The following GPC5 variants were observed in gnomAD, a reference collection of about 807,000 sequenced individuals.
GPC5 encodes the protein glypican-5.
Under a neutral mutation model 53.9 loss-of-function variants are expected in GPC5, and 47 were observed. The observed-to-expected ratio is 0.87, with a 90% CI of 0.69 to 1.11. The LOEUF (loss-of-function observed/expected upper bound fraction) is 1.11, where lower values mean the gene tolerates loss of function less well. GPC5 is among the 50% of genes most tolerant of loss of function. The pLI is 0.00. For missense variants in GPC5, 748 were observed against 713.1 expected, an observed-to-expected ratio of 1.05 and a Z score of -0.56; for synonymous variants, 286 against 263.3, an observed-to-expected ratio of 1.09 and a Z score of -0.84.
chr13:92,816,010 T>G (rs1877460236), intron 7 of GPC5, among the ~76,000 whole-genome samples: 1 of 151,844 alleles, frequency 6.6e-6, no homozygotes. Flanking sequence ...TGGGGAAAGA[T>G]CAGAGCTATA....
At chr13:91,779,286 A>G (rs988366008) in intron 5 of GPC5, among the ~76,000 whole-genome samples, 1 of 152,226 alleles carries the variant, frequency 6.6e-6, no homozygotes, top group Admixed American at 6.5e-5. Context: ...TTAGCTTAAA[A>G]CACAAACACA....
intron 2 of GPC5, among the ~76,000 whole-genome samples, chr13:91,643,087 G>C (rs1283926184): frequency 6.6e-6 from 1 of 152,096 alleles, no homozygotes; most frequent in Non-Finnish European, 1.5e-5. Flanking sequence ...ACCATAGGCT[G>C]AGCATGGGGA....
At chr13:91,921,508 A>C (rs1161361211) in intron 6 of GPC5, among the ~76,000 whole-genome samples, 1 of 152,210 alleles carries the variant, frequency 6.6e-6, no homozygotes, top group Admixed American at 6.5e-5. Flanking sequence ...TGACAGATAC[A>C]AGAAAAACTA....
chr13:92,690,522 G>A lies in GPC5; in HGVS notation c.1562-175760G>A, dbSNP rs879538161. 1.0e-3 allele frequency among the ~76,000 whole-genome samples: 115 copies of A among 112,388 alleles called. 4 individuals carry two copies. The East Asian group carries it at 0.015, about 15-fold the overall frequency. 73.7% of individuals were successfully genotyped at this position (112,388 alleles called of 152,430 possible). A position where few individuals can be genotyped will look rare whatever the true frequency, so the allele number is the denominator to read the frequency against. On this transcript the variant is annotated intron_variant, in intron 7 of 7. Transcript: ENST00000377067. Reference sequence around the variant, plus strand: ...TTGCCTTTGGTTTGAATGTCCTCCCGTAGCTCAGAGTAATTTGATCGTCTG... The same window carrying A: ...TTGCCTTTGGTTTGAATGTCCTCCCATAGCTCAGAGTAATTTGATCGTCTG...
rs398023955 is a variant in GPC5 at position 92,257,546 on chromosome 13, A to ATTTTT, written c.1561+112574_1561+112578dup. Among the ~76,000 whole-genome samples, 243 of 72,920 alleles carry ATTTTT rather than the reference A, an allele frequency of 3.3e-3. 45 individuals carry two copies. Among genetic ancestry groups the ATTTTT allele is most frequent in the African/African-American group, 0.017 (221 of 12,930 alleles). The allele number at this position is 72,920 out of a possible 152,430, so 47.8% of individuals were successfully genotyped here. A position where few individuals can be genotyped will look rare whatever the true frequency, so the allele number is the denominator to read the frequency against. ...AGTGAGAGAGGTTTCTAATACAGGGATTTTTTTTTTTTTTTTTTTTTGGGG... is the reference window on the plus strand; with the variant it reads ...AGTGAGAGAGGTTTCTAATACAGGGATTTTTTTTTTTTTTTTTTTTTTTTTTGGGG... On this transcript the variant is annotated intron_variant, in intron 7 of 7. Coordinates refer to ENST00000377067, the MANE Select transcript of GPC5 (RefSeq NM_004466.6).
chr13:92,081,260 C>G (rs1323817922), intron 6 of GPC5, among the ~76,000 whole-genome samples: 1 of 152,090 alleles, frequency 6.6e-6, no homozygotes, highest in Non-Finnish European at 1.5e-5. Flanking sequence ...CAGCACCATA[C>G]CTGGCTAAAT....
intron 6 of GPC5, among the ~76,000 whole-genome samples, chr13:92,002,843 TC>T (rs2040568071): frequency 6.6e-6 from 1 of 152,188 alleles, no homozygotes; most frequent in Non-Finnish European, 1.5e-5. Context: ...TGAAAACTCT[TC>T]CCTGTGCCAG....
intron 2 of GPC5, among the ~76,000 whole-genome samples, chr13:91,674,636 C>T (rs944979736): frequency 3.8e-5 from 5 of 133,112 alleles, no homozygotes; most frequent in South Asian, 2.4e-4. Flanking sequence ...CATATATATG[C>T]GTATGTGTAT....
chr13:92,221,176 G>A (rs748672862), intron 7 of GPC5, among the ~76,000 whole-genome samples: 3 of 152,062 alleles, frequency 2.0e-5, no homozygotes, highest in Non-Finnish European at 4.4e-5. Flanking sequence ...ATACTGCTAG[G>A]GTCAATTTAC....
chr13:91,437,275 C>T (rs1175134146), intron 1 of GPC5, among the ~76,000 whole-genome samples: 2 of 152,178 alleles, frequency 1.3e-5, no homozygotes, highest in East Asian at 1.9e-4. Flanking sequence ...GCAGTTTCTT[C>T]CTAGCCTCGA....
intron 7 of GPC5, among the ~76,000 whole-genome samples, chr13:92,562,574 CT>C (rs1352476337): frequency 6.6e-6 from 1 of 151,996 alleles, no homozygotes; most frequent in Non-Finnish European, 1.5e-5. Flanking sequence ...GAATTTTGAC[CT>C]CCTAAAACAC....
At chr13:92,462,778 A>G (rs111743400) in intron 7 of GPC5, among the ~76,000 whole-genome samples, 10,247 of 146,096 alleles carry the variant, frequency 0.07, 459 homozygotes, top group African/African-American at 0.13. Context: ...GTGCAGTGGC[A>G]TGATCTCGGT....
intron 6 of GPC5, among the ~76,000 whole-genome samples, chr13:92,044,765 T>TA: frequency 6.6e-6 from 1 of 152,290 alleles, no homozygotes; most frequent in Middle Eastern, 3.4e-3. Context: ...ACCAAAGACA[T>TA]AACCCATCCA....
chr13:92,490,109 C>T (rs722178), intron 7 of GPC5: 119,304 of 154,240 alleles, frequency 0.77, 46,172 homozygotes, highest in Admixed American at 0.81. Context: ...CATTGTTTCC[C>T]GAAAACTCCA....
intron 2 of GPC5, among the ~76,000 whole-genome samples, chr13:91,616,247 A>G (rs1391078805): frequency 1.3e-5 from 2 of 152,094 alleles, no homozygotes; most frequent in Admixed American, 1.3e-4. Context: ...TCTTCTATCA[A>G]ATTGGTTTCA....
At chr13:92,625,081 T>C (rs1459400953) in intron 7 of GPC5, among the ~76,000 whole-genome samples, 1 of 152,204 alleles carries the variant, frequency 6.6e-6, no homozygotes, top group Non-Finnish European at 1.5e-5. Flanking sequence ...ATAGGAAGCT[T>C]CTATTTCTGA....
At chr13:92,085,377 A>G (rs1201411584) in intron 6 of GPC5, among the ~76,000 whole-genome samples, 1 of 152,244 alleles carries the variant, frequency 6.6e-6, no homozygotes, top group Non-Finnish European at 1.5e-5. Context: ...CTAAAAATTT[A>G]AGTTTACCAA....
chr13:92,106,061 A>G (rs1442374277), intron 6 of GPC5, among the ~76,000 whole-genome samples: 1 of 152,028 alleles, frequency 6.6e-6, no homozygotes, highest in African/African-American at 2.4e-5. Flanking sequence ...CATTTTGTGT[A>G]GCACCCTGTT....
At chr13:92,399,996 G>A (rs999714120) in intron 7 of GPC5, among the ~76,000 whole-genome samples, 2 of 152,106 alleles carry the variant, frequency 1.3e-5, no homozygotes. Context: ...GATATTGGTG[G>A]AATTTATGAA....
Sources: gnomAD v4.1 joint callset for allele counts (sites outside exome capture counted in the v4.1 genomes callset) on GRCh38, gnomAD v4.1.1 for gene constraint, MANE v1.5 for transcripts, NCBI Gene and HGNC (gene_info 2026-07-23, HGNC 2026-07-21) for gene names.